The following ZNF131 variants were observed in gnomAD, a reference collection of about 807,000 sequenced individuals.
ZNF131 encodes zinc finger protein 131.
ZNF131 carries 7 observed loss-of-function variants against 60.0 expected under a neutral mutation model. That is an observed-to-expected ratio of 0.12 (90% confidence interval 0.07 to 0.22). The LOEUF (loss-of-function observed/expected upper bound fraction) is 0.22, where lower values mean the gene tolerates loss of function less well. ZNF131 is among the 10% of genes least tolerant of loss of function. ZNF131 has a pLI of 1.00. For synonymous variants in ZNF131, 257 were observed against 253.2 expected (o/e 1.01, Z -0.14); for missense variants, 493 against 740.9 (o/e 0.67, Z 3.88).
chr5:43,130,433 A>AT (rs1745193589), intron 3 of ZNF131, among the ~76,000 whole-genome samples: 1 of 152,148 alleles, frequency 6.6e-6, no homozygotes, highest in East Asian at 1.9e-4. Context: ...TCAAAATGAT[A>AT]TTTTTTCTTT....
chr5:43,165,176 C>A (rs975099069), intron 5 of ZNF131, among the ~76,000 whole-genome samples: 1 of 149,954 alleles, frequency 6.7e-6, no homozygotes, highest in Non-Finnish European at 1.5e-5. Flanking sequence ...GGAACATAGG[C>A]ATGAGCCACC....
At chr5:43,169,718 A>G (rs1750751715) in intron 5 of ZNF131, among the ~76,000 whole-genome samples, 1 of 152,114 alleles carries the variant, frequency 6.6e-6, no homozygotes, top group South Asian at 2.1e-4. Flanking sequence ...GCATACTTGT[A>G]CATATGCCTT....
chr5:43,134,581 C>G (rs1745784448), intron 3 of ZNF131, among the ~76,000 whole-genome samples: 1 of 151,396 alleles, frequency 6.6e-6, no homozygotes, highest in South Asian at 2.1e-4. Flanking sequence ...CAGATGACAT[C>G]TTATATATAG....
chr5:43,129,942 CA>C (rs1745082880), intron 3 of ZNF131, among the ~76,000 whole-genome samples: 1 of 151,798 alleles, frequency 6.6e-6, no homozygotes, highest in South Asian at 2.1e-4. Context: ...AGGCATGAGC[CA>C]CCACACCCAG....
At position 43,162,969 on chromosome 5, in the gene ZNF131, CTTTTTTTTT is replaced by C. The variant is rs1205635519; in HGVS notation, c.1054+1048_1054+1056del. On this transcript the variant is annotated intron_variant, in intron 5 of 6. Transcript: ENST00000682664. ...TTTATACTTCTTTTCTTTTATTTGC[CTTTTTTTTT>C]TTTTTTTTTGGCAGATGGAGTCTCG... Among the ~76,000 whole-genome samples, 92 of 64,928 alleles carry C rather than the reference CTTTTTTTTT, an allele frequency of 1.4e-3. 1 individual carries two copies. The highest frequency in any genetic ancestry group is 2.7e-3 in the Admixed American group (9 of 3,372). The allele number at this position is 64,928 out of a possible 152,430, so 42.6% of individuals were successfully genotyped here.
intron 5 of ZNF131, among the ~76,000 whole-genome samples, chr5:43,169,992 A>C (rs1342829256): frequency 6.6e-6 from 1 of 151,954 alleles, no homozygotes; most frequent in African/African-American, 2.4e-5. Context: ...GGGTTTCACT[A>C]TGTTGGCCAG....
At chr5:43,173,525 A>T in intron 6 of ZNF131, 77 bp downstream of exon 6, 1 of 1,529,146 alleles carries the variant, frequency 6.5e-7, no homozygotes, top group South Asian at 1.3e-5. Context: ...AGGGAAACAG[A>T]GTCTCAAGCA....
chr5:43,174,182 C>T (rs1017517491), intron 6 of ZNF131, among the ~76,000 whole-genome samples: 2 of 152,138 alleles, frequency 1.3e-5, no homozygotes, highest in South Asian at 2.1e-4. Context: ...GAGCCGAGAT[C>T]GCACCATTGC....
chr5:43,160,769 C>G (rs1322430059), intron 4 of ZNF131, among the ~76,000 whole-genome samples: 1 of 151,052 alleles, frequency 6.6e-6, no homozygotes, highest in East Asian at 2.0e-4. Flanking sequence ...CCCCAACCTC[C>G]GCCTCCTGGG....
At chr5:43,162,681 A>G (rs1162545826) in intron 5 of ZNF131, among the ~76,000 whole-genome samples, 1 of 151,188 alleles carries the variant, frequency 6.6e-6, no homozygotes, top group African/African-American at 2.4e-5. Context: ...AGGCGGGTGG[A>G]TATCTGAGGT....
At chr5:43,158,198 C>T (rs1342561985) in intron 4 of ZNF131, among the ~76,000 whole-genome samples, 1 of 152,220 alleles carries the variant, frequency 6.6e-6, no homozygotes, top group African/African-American at 2.4e-5. Flanking sequence ...AAACTCCCGA[C>T]CTCAGTTGAT....
At chr5:43,148,209 A>G (rs1267564594) in intron 4 of ZNF131, among the ~76,000 whole-genome samples, 1 of 139,934 alleles carries the variant, frequency 7.1e-6, no homozygotes, top group Non-Finnish European at 1.6e-5. Context: ...CTATCTCTAC[A>G]AAAAAAAAAA....
intron 4 of ZNF131, among the ~76,000 whole-genome samples, chr5:43,160,620 C>G (rs1477319498): frequency 1.3e-5 from 2 of 149,984 alleles, no homozygotes; most frequent in Non-Finnish European, 3.0e-5. Context: ...AAGGTTGAGG[C>G]TTATTTTTCC....
At chr5:43,162,549 G>A (rs1446193783) in intron 5 of ZNF131, among the ~76,000 whole-genome samples, 1 of 147,018 alleles carries the variant, frequency 6.8e-6, no homozygotes, top group African/African-American at 2.5e-5. Context: ...CCGAGATCAT[G>A]CCACTGCACT....
rs192740954 is a variant in ZNF131, at chr5:43,174,892, A to G, written c.1631A>G (p.His544Arg). Residue 544 changes from histidine (H) to arginine (R), a missense_variant, in exon 7 of 7, where the codon CAT becomes CGT. By Grantham distance (29) the His-to-Arg change is conservative. This residue lies in a region of ZNF131 where 202 missense variants were observed against 221.3 expected (regional missense o/e 0.91). Transcript: ENST00000682664. ...ACTGAAGTACATGTAGAGGAGCTGC[A>G]TGTTGAACGGGTCAATCAAATGCCA... ...EGTEVHVEEL[H>R]VERVNQMPVE... 6,818 of 1,614,206 alleles carry G rather than the reference A, an allele frequency of 4.2e-3. 32 individuals are homozygous for G. Among genetic ancestry groups the G allele is most frequent in the Non-Finnish European group, 4.6e-3 (5,371 of 1,180,044 alleles).
chr5:43,136,650 C>CTTTTTTTTTTTTTTTTTTT (rs139991070), intron 3 of ZNF131, among the ~76,000 whole-genome samples: 1 of 122,532 alleles, frequency 8.2e-6, no homozygotes, highest in Non-Finnish European at 1.7e-5. Context: ...TTTTCTTTTT[C>CTTTTTTTTTTTTTTTTTTT]TTTTTTTTTT....
intron 4 of ZNF131, among the ~76,000 whole-genome samples, chr5:43,160,600 A>G (rs577113742): frequency 6.6e-6 from 1 of 151,234 alleles, no homozygotes; most frequent in African/African-American, 2.4e-5. Flanking sequence ...TTCATGTATG[A>G]TATGAGGTAA....
intron 4 of ZNF131, among the ~76,000 whole-genome samples, chr5:43,157,057 A>G (rs997938217): frequency 1.4e-4 from 22 of 152,162 alleles, no homozygotes; most frequent in African/African-American, 5.3e-4. Context: ...TGTAAACCCA[A>G]TTGGACTGGA....
In ZNF131 at chr5:43,175,752, T is replaced by C; in HGVS notation, c.*619T>C. On this transcript the variant is annotated 3_prime_UTR_variant, in exon 7 of 7. Coordinates refer to ENST00000682664, the MANE Select transcript of ZNF131 (RefSeq NM_001330707.2). ...AAAAAAAATCCACACCCATGTGCCT[T>C]CTCAAAACCAACTGAACTTCTATAA... is the stretch of plus-strand genomic sequence containing the variant. 6.9e-6 allele frequency: 2 copies of C among 290,180 alleles called. No individual in the cohort carries two copies. The highest frequency in any genetic ancestry group is 1.1e-4 in the South Asian group (2 of 18,948). 18.0% of individuals were successfully genotyped at this position (290,180 alleles called of 1,614,324 possible).
Sources: allele counts gnomAD v4.1 joint callset (sites outside exome capture counted in the v4.1 genomes callset), GRCh38; gene constraint gnomAD v4.1.1; regional missense constraint gnomAD v4.1.1; transcripts MANE v1.5; gene names NCBI Gene and HGNC (gene_info 2026-07-23, HGNC 2026-07-21).